Variants in S100Z observed in about 807,000 individuals in gnomAD.
S100Z encodes protein S100-Z.
S100Z carries 11 observed loss-of-function variants against 8.5 expected under a neutral mutation model. The observed-to-expected ratio is 1.30, with a 90% CI of 0.82 to 2.15. The LOEUF (loss-of-function observed/expected upper bound fraction) is 2.15, where lower values mean the gene tolerates loss of function less well. S100Z is among the 30% of genes most tolerant of loss of function. The pLI, the probability that S100Z is intolerant of heterozygous loss-of-function variation, is 0.00. For missense variants in S100Z, 126 were observed against 117.9 expected, an observed-to-expected ratio of 1.07 and a Z score of -0.32; for synonymous variants, 34 against 43.8, an observed-to-expected ratio of 0.78 and a Z score of 0.89.
intron 1 of S100Z, among the ~76,000 whole-genome samples, chr5:76,858,958 A>G (rs1750967467): frequency 6.6e-6 from 1 of 152,016 alleles, no homozygotes; most frequent in East Asian, 1.9e-4. Context: ...TAAAAATACA[A>G]AAAAAATTAG....
At chr5:76,880,679 G>A (rs1006066738) in intron 4 of S100Z, among the ~76,000 whole-genome samples, 8 of 152,192 alleles carry the variant, frequency 5.3e-5, no homozygotes, top group African/African-American at 1.9e-4. Flanking sequence ...AGAATTGGGA[G>A]TACCCAGGAC....
rs925950190 is a variant in S100Z at position 76,870,277 on chromosome 5, C to T, written c.-64C>T. ...GTGTCTCGGCTGAGTCATCGCATTC[C>T]TTAATAGGTAAATAAGCCTAATTAA... On this transcript the variant is annotated 5_prime_UTR_variant, in exon 2 of 5. Transcript: ENST00000317593. 6.6e-6 allele frequency: 1 copy of T among 152,178 alleles called. No homozygotes were observed. Among genetic ancestry groups the T allele is most frequent in the South Asian group, 2.1e-4 (1 of 4,820 alleles). The allele number at this position is 152,178 out of a possible 1,614,324, so 9.4% of individuals were successfully genotyped here.
chr5:76,892,315 C>G (rs1348201460), intron 4 of S100Z, among the ~76,000 whole-genome samples: 1 of 152,048 alleles, frequency 6.6e-6, no homozygotes, highest in African/African-American at 2.4e-5. Flanking sequence ...CAAATTGGTC[C>G]CTACCAAAGA....
chr5:76,908,738 C>T (rs1744543349), intron 4 of S100Z, among the ~76,000 whole-genome samples: 1 of 152,218 alleles, frequency 6.6e-6, no homozygotes. Flanking sequence ...CATCACTCTT[C>T]TAACTCTGGA....
In S100Z at chr5:76,882,656, T is replaced by C. The variant is rs1743449144; in HGVS notation, c.*2+4822T>C. Among the ~76,000 whole-genome samples, 4 of 151,932 alleles carry C rather than the reference T, an allele frequency of 2.6e-5. No individual in the cohort carries two copies. In the South Asian group the frequency reaches 8.3e-4, roughly 32 times the overall value. On this transcript the variant is annotated intron_variant, in intron 4 of 4. Transcript: ENST00000317593. ...TCAGACGTGATCAGCAGGGAGAGCA[T>C]GTGTATTTTCATGAAGAATTATGTC...
At chr5:76,913,787 A>C (rs1744755952) in intron 4 of S100Z, among the ~76,000 whole-genome samples, 1 of 152,210 alleles carries the variant, frequency 6.6e-6, no homozygotes, top group African/African-American at 2.4e-5. Context: ...GCACCGTCTT[A>C]GGGGAAGAGT....
chr5:76,946,648 C>T, the S100Z span, among the ~76,000 whole-genome samples: 1 of 152,050 alleles, frequency 6.6e-6, no homozygotes, highest in African/African-American at 2.4e-5. Flanking sequence ...CCTATGCATG[C>T]ACTCATATAA....
chr5:76,875,300 C>T lies in S100Z; in HGVS notation c.-56-4C>T, dbSNP rs919860174. The T allele has an allele frequency of 7.3e-6, 11 of 1,504,192 alleles. No individual in the cohort carries two copies. The highest frequency in any genetic ancestry group is 9.9e-6 in the Non-Finnish European group (11 of 1,110,988). 93.2% of individuals were successfully genotyped at this position (1,504,192 alleles called of 1,614,324 possible). On this transcript the variant is annotated splice_polypyrimidine_tract_variant and splice_region_variant and intron_variant, in intron 2 of 4. Transcript: ENST00000317593. Reference sequence around the variant, plus strand: ...TGTTTCCTCATCTGTTTATTCTGAACAAGTGTCTTCTCCCCGGGTTTGGTG... The same window carrying T: ...TGTTTCCTCATCTGTTTATTCTGAATAAGTGTCTTCTCCCCGGGTTTGGTG...
chr5:76,928,031 C>A, the S100Z span, among the ~76,000 whole-genome samples: 18,409 of 152,220 alleles, frequency 0.12, 1,379 homozygotes, highest in Middle Eastern at 0.28. Flanking sequence ...GCTGGCATTA[C>A]ACAGGTATTG....
At chr5:76,891,574 C>T (rs1272085426) in intron 4 of S100Z, among the ~76,000 whole-genome samples, 15 of 152,144 alleles carry the variant, frequency 9.9e-5, no homozygotes, top group Admixed American at 9.8e-4. Flanking sequence ...TTCTGCATTC[C>T]TAACAAACTC....
At chr5:76,887,226 A>T (rs567754177) in intron 4 of S100Z, among the ~76,000 whole-genome samples, 1 of 149,768 alleles carries the variant, frequency 6.7e-6, no homozygotes, top group Non-Finnish European at 1.5e-5. Flanking sequence ...CCTCCTGAGT[A>T]GCTGGGATTA....
chr5:76,873,048 G>A (rs2150636778), intron 2 of S100Z, among the ~76,000 whole-genome samples: 1 of 152,206 alleles, frequency 6.6e-6, no homozygotes. Context: ...TAGGTGCTAT[G>A]GTCATCCCCA....
intron 4 of S100Z, among the ~76,000 whole-genome samples, chr5:76,903,185 C>T (rs979734655): frequency 6.6e-6 from 1 of 152,160 alleles, no homozygotes; most frequent in Admixed American, 6.5e-5. Context: ...GACTCCATCT[C>T]AAAAAATATA....
chr5:76,914,232 TTGGGGC>T (rs1744775808), intron 4 of S100Z, among the ~76,000 whole-genome samples: 1 of 151,886 alleles, frequency 6.6e-6, no homozygotes, highest in African/African-American at 2.4e-5. Context: ...CCAACAGCAG[TTGGGGC>T]ATCCTGTTTA....
intron 1 of S100Z, among the ~76,000 whole-genome samples, chr5:76,850,732 GAA>G (rs1750704856): frequency 2.0e-5 from 3 of 152,338 alleles, no homozygotes; most frequent in African/African-American, 7.2e-5. Context: ...GCCTACAGAA[GAA>G]GAGAGGGAAG....
At chr5:76,945,829 C>A in the S100Z span, among the ~76,000 whole-genome samples, 1 of 152,120 alleles carries the variant, frequency 6.6e-6, no homozygotes, top group African/African-American at 2.4e-5. Flanking sequence ...TGTTAAGTGC[C>A]GGTCTCCTGG....
At chr5:76,943,063 G>T in the S100Z span, among the ~76,000 whole-genome samples, 5,536 of 152,204 alleles carry the variant, frequency 0.036, 314 homozygotes, top group African/African-American at 0.12. Flanking sequence ...ACAACGTGCA[G>T]GTTTGTTACA....
At chr5:76,900,025 G>T (rs374361186) in intron 4 of S100Z, among the ~76,000 whole-genome samples, 1 of 152,222 alleles carries the variant, frequency 6.6e-6, no homozygotes, top group African/African-American at 2.4e-5. Context: ...TAGGGTAAAA[G>T]CTTTTTTCCT....
At chr5:76,942,820 TG>T in the S100Z span, among the ~76,000 whole-genome samples, 1 of 152,234 alleles carries the variant, frequency 6.6e-6, no homozygotes, top group African/African-American at 2.4e-5. Flanking sequence ...GTCATACAGC[TG>T]GAGCACTTGG....
Sources: gnomAD v4.1 joint callset for allele counts (sites outside exome capture counted in the v4.1 genomes callset) on GRCh38, gnomAD v4.1.1 for gene constraint, MANE v1.5 for transcripts, NCBI Gene and HGNC (gene_info 2026-07-23, HGNC 2026-07-21) for gene names.